CYTH3: variants seen among roughly 807,000 people sequenced by gnomAD.
CYTH3 encodes cytohesin-3.
In CYTH3, 23 loss-of-function variants were observed where a neutral mutation model predicts 55.1. The ratio of observed to expected loss-of-function variants is 0.42; its 90% CI spans 0.30 to 0.59. The LOEUF is 0.59. Ranked by LOEUF, CYTH3 falls within the 20% of genes least tolerant of loss-of-function variation. The pLI is 0.20. For synonymous variants in CYTH3, 249 were observed against 194.9 expected (o/e 1.28, Z -2.31); for missense variants, 413 against 524.8 (o/e 0.79, Z 2.08).
intron 1 of CYTH3, among the ~76,000 whole-genome samples, chr7:6,191,389 A>C (rs557621230): frequency 1.4e-4 from 22 of 152,230 alleles, no homozygotes; most frequent in Non-Finnish European, 1.9e-4. Context: ...CTCAGCTCAA[A>C]AACAGACTGG....
At chr7:6,246,626 C>T (rs902084061) in intron 1 of CYTH3, among the ~76,000 whole-genome samples, 1 of 152,024 alleles carries the variant, frequency 6.6e-6, no homozygotes, top group Non-Finnish European at 1.5e-5. Context: ...AAAAATAAAA[C>T]AGTAAAAAAT....
chr7:6,254,935 G>A (rs1016132087), intron 1 of CYTH3, among the ~76,000 whole-genome samples: 1 of 152,158 alleles, frequency 6.6e-6, no homozygotes, highest in Non-Finnish European at 1.5e-5. Context: ...AAGTTGGGAA[G>A]AAAAGATATA....
chr7:6,268,786 T>G (rs1780575665), intron 1 of CYTH3, among the ~76,000 whole-genome samples: 1 of 152,048 alleles, frequency 6.6e-6, no homozygotes, highest in African/African-American at 2.4e-5. Flanking sequence ...AACAGAGACA[T>G]CCAGAGAAAC....
chr7:6,191,077 G>C (rs1013732152), intron 1 of CYTH3, among the ~76,000 whole-genome samples: 1 of 149,940 alleles, frequency 6.7e-6, no homozygotes, highest in African/African-American at 2.5e-5. Context: ...ATTCTGTTTC[G>C]GGAAAAAAAA....
intron 1 of CYTH3, among the ~76,000 whole-genome samples, chr7:6,259,793 A>ATAATATATATATAATATATATAT (rs1780274886): frequency 7.1e-5 from 1 of 14,110 alleles, no homozygotes; most frequent in African/African-American, 1.5e-3. Context: ...TAATATATAT[A>ATAATATATATATAATATATATAT]TATATATATA....
intron 4 of CYTH3, among the ~76,000 whole-genome samples, chr7:6,182,780 G>A (rs1341746189): frequency 6.6e-6 from 1 of 152,104 alleles, no homozygotes; most frequent in African/African-American, 2.4e-5. Context: ...AAGACGTCAG[G>A]ATTATAGGCA....
chr7:6,191,455 A>G (rs1783801471), intron 1 of CYTH3, among the ~76,000 whole-genome samples: 1 of 152,212 alleles, frequency 6.6e-6, no homozygotes, highest in African/African-American at 2.4e-5. Flanking sequence ...ATAAAAGCAG[A>G]TTGTATGTTA....
chr7:6,164,815 G>A lies in CYTH3; in HGVS notation c.*129C>T, dbSNP rs1459927761. On this transcript the variant is annotated 3_prime_UTR_variant, in exon 13 of 13. Transcript: ENST00000350796. The stretch of plus-strand genomic sequence containing the variant: ...GCCTTGGGGATACCACCTGGGCCAC[G>A]GTATGCTCTGGAGCAGCAGCTTGCA... 34 of 1,053,578 alleles carry A rather than the reference G, an allele frequency of 3.2e-5. No individual in the cohort carries two copies. Among genetic ancestry groups the A allele is most frequent in the South Asian group, 1.7e-4 (12 of 70,758 alleles). The allele number at this position is 1,053,578 out of a possible 1,614,324, so 65.3% of individuals were successfully genotyped here.
intron 1 of CYTH3, among the ~76,000 whole-genome samples, chr7:6,195,284 G>A (rs1016046302): frequency 7.9e-5 from 12 of 152,028 alleles, no homozygotes; most frequent in African/African-American, 2.9e-4. Flanking sequence ...AAAAAATTTT[G>A]CAAAAAGACA....
chr7:6,248,898 A>G lies in CYTH3; in HGVS notation c.34+23576T>C, dbSNP rs149854891. Among the ~76,000 whole-genome samples, 1,029 of 152,320 alleles carry G rather than the reference A, an allele frequency of 6.8e-3. 11 individuals are homozygous for G. Among genetic ancestry groups the G allele is most frequent in the African/African-American group, 0.023 (961 of 41,578 alleles). On this transcript the variant is annotated intron_variant, in intron 1 of 12. Coordinates refer to ENST00000350796, the MANE Select transcript of CYTH3 (RefSeq NM_004227.4). ...TCTGGTGATTCAAGGGAGGGGAGGT[A>G]AGAAGTGAGACAAAGCCTAGTGCCC...
chr7:6,208,597 G>T (rs1165911246), intron 1 of CYTH3, among the ~76,000 whole-genome samples: 3 of 152,166 alleles, frequency 2.0e-5, no homozygotes, highest in Non-Finnish European at 2.9e-5. Context: ...AGGTTGGGGG[G>T]CAATGGCCCA....
intron 1 of CYTH3, among the ~76,000 whole-genome samples, chr7:6,260,124 C>T (rs898963118): frequency 1.3e-5 from 2 of 151,572 alleles, no homozygotes; most frequent in African/African-American, 4.9e-5. Flanking sequence ...CCACCGCGCC[C>T]AGCCAATATT....
intron 1 of CYTH3, among the ~76,000 whole-genome samples, chr7:6,228,214 C>A (rs1779300585): frequency 6.6e-6 from 1 of 152,080 alleles, no homozygotes; most frequent in African/African-American, 2.4e-5. Flanking sequence ...TTCAAAGAGG[C>A]AAGTTAAAGA....
intron 1 of CYTH3, among the ~76,000 whole-genome samples, chr7:6,243,210 A>G (rs931861827): frequency 1.3e-5 from 2 of 152,234 alleles, no homozygotes; most frequent in Non-Finnish European, 2.9e-5. Context: ...ACCTCCAGGC[A>G]TAAGAGCGCA....
At chr7:6,267,467 A>G (rs1780528511) in intron 1 of CYTH3, among the ~76,000 whole-genome samples, 1 of 152,256 alleles carries the variant, frequency 6.6e-6, no homozygotes, top group African/African-American at 2.4e-5. Context: ...AGAATGAAAA[A>G]TAGGTAACAT....
intron 4 of CYTH3, among the ~76,000 whole-genome samples, chr7:6,180,059 A>T (rs1425101789): frequency 1.3e-5 from 2 of 152,216 alleles, no homozygotes; most frequent in Admixed American, 1.3e-4. Flanking sequence ...CTAAGTGAGG[A>T]AAACAAGTGA....
intron 1 of CYTH3, among the ~76,000 whole-genome samples, chr7:6,266,742 T>C (rs1477161574): frequency 6.6e-6 from 1 of 152,224 alleles, no homozygotes; most frequent in Non-Finnish European, 1.5e-5. Flanking sequence ...TCCCACACTT[T>C]CTCTTCCTCA....
intron 4 of CYTH3, among the ~76,000 whole-genome samples, chr7:6,182,126 C>A (rs1362512761): frequency 6.6e-6 from 1 of 152,128 alleles, no homozygotes; most frequent in Non-Finnish European, 1.5e-5. Context: ...AGGCTCACTG[C>A]AACCTCCACC....
At chr7:6,230,801 T>A (rs1197811092) in intron 1 of CYTH3, among the ~76,000 whole-genome samples, 1 of 152,244 alleles carries the variant, frequency 6.6e-6, no homozygotes, top group African/African-American at 2.4e-5. Context: ...ATCCCGTATT[T>A]TGAAAAAAGT....
Sources: gnomAD v4.1 joint callset for allele counts (sites outside exome capture counted in the v4.1 genomes callset) on GRCh38, gnomAD v4.1.1 for gene constraint, MANE v1.5 for transcripts, NCBI Gene and HGNC (gene_info 2026-07-23, HGNC 2026-07-21) for gene names.